The following ANK2 variants were observed in gnomAD, a reference collection of about 807,000 sequenced individuals.
ANK2 encodes ankyrin-2.
ANK2 carries 83 observed loss-of-function variants against 360.5 expected under a neutral mutation model. The observed-to-expected ratio is 0.23, with a 90% CI of 0.19 to 0.28. The LOEUF (loss-of-function observed/expected upper bound fraction) is 0.28, where lower values mean the gene tolerates loss of function less well. Ranked by LOEUF, ANK2 falls within the 10% of genes least tolerant of loss-of-function variation. ANK2 has a pLI of 1.00. For missense variants in ANK2, 4,201 were observed against 4,795.7 expected (o/e 0.88, Z 3.66); for synonymous variants, 1,740 against 1,759.5 (o/e 0.99, Z 0.28).
At chr4:113,045,519 A>G (rs925249636), upstream of ANK2, among the ~76,000 whole-genome samples, 2 of 152,182 alleles carry the variant, frequency 1.3e-5, no homozygotes, top group African/African-American at 4.8e-5. Flanking sequence ...TTTCAGTTTT[A>G]TCACCTGTAC....
chr4:113,261,806 G>A (rs946122509), intron 13 of ANK2, among the ~76,000 whole-genome samples: 6 of 152,070 alleles, frequency 3.9e-5, no homozygotes, highest in Non-Finnish European at 7.4e-5. Context: ...AAAAACTTAA[G>A]TATAAAATAA....
intron 2 of ANK2, chr4:112,980,524 G>A (rs1159752077): frequency 6.6e-6 from 1 of 152,252 alleles, no homozygotes; most frequent in African/African-American, 2.4e-5. Context: ...ATCAACAATA[G>A]ATTGCTGTGA....
intron 1 of ANK2, among the ~76,000 whole-genome samples, chr4:113,068,124 G>A (rs2076264443): frequency 6.6e-6 from 1 of 152,118 alleles, no homozygotes; most frequent in Admixed American, 6.5e-5. Context: ...CCCCCTGAGT[G>A]TTGGAAAGAT....
chr4:112,955,478 G>A (rs527847089), intron 2 of ANK2, among the ~76,000 whole-genome samples: 7 of 151,984 alleles, frequency 4.6e-5, no homozygotes, highest in Middle Eastern at 3.4e-3. Context: ...TAACACCTTA[G>A]CCTTTTAATT....
chr4:113,162,515 C>T (rs77384457), intron 1 of ANK2, among the ~76,000 whole-genome samples: 5,508 of 152,238 alleles, frequency 0.036, 167 homozygotes, highest in Non-Finnish European at 0.054. Flanking sequence ...TATGACATTG[C>T]ACTTGCTATT....
rs374991526 is a variant in ANK2, at chr4:113,363,386, G to A, written c.10805G>A (p.Arg3602Gln). 5.6e-5 allele frequency: 90 copies of A among 1,613,306 alleles called. No homozygotes were observed. The highest frequency in any genetic ancestry group is 3.7e-4 in the African/African-American group (28 of 74,894). Reference protein sequence around the residue: ...DFTEEQIHQIRIENPNSLQDQ... With the variant: ...DFTEEQIHQIQIENPNSLQDQ... ...ACTGAGGAGCAAATTCATCAAATTC[G>A]AATTGAAAATCCCAACTCTCTTCAA... is the stretch of plus-strand genomic sequence containing the variant. Residue 3602 changes from arginine (R) to glutamine (Q), a missense_variant, in exon 40 of 46, where the codon CGA (arginine) becomes CAA (glutamine). Transcript: ENST00000357077.
intron 1 of ANK2, among the ~76,000 whole-genome samples, chr4:113,091,458 T>C (rs1310110883): frequency 6.6e-6 from 1 of 152,234 alleles, no homozygotes; most frequent in Non-Finnish European, 1.5e-5. Context: ...AATTCTGCAG[T>C]GAATTTTTTC....
At chr4:113,218,562 A>C (rs1562960538) in intron 4 of ANK2, among the ~76,000 whole-genome samples, 1 of 152,146 alleles carries the variant, frequency 6.6e-6, no homozygotes, top group Non-Finnish European at 1.5e-5. Flanking sequence ...CTATACTGCT[A>C]CCATCTATAT....
At chr4:113,057,734 G>T (rs1288398734) in intron 1 of ANK2, among the ~76,000 whole-genome samples, 1 of 152,074 alleles carries the variant, frequency 6.6e-6, no homozygotes, top group African/African-American at 2.4e-5. Context: ...TTCGAATCTA[G>T]TAGGGACAAT....
At chr4:113,038,859 A>G (rs2062211002) in intron 2 of ANK2, among the ~76,000 whole-genome samples, 1 of 152,092 alleles carries the variant, frequency 6.6e-6, no homozygotes, top group African/African-American at 2.4e-5. Flanking sequence ...CCAAGAAATC[A>G]GGTATGTGAG....
At chr4:113,214,940 A>C (rs1250930455) in intron 4 of ANK2, among the ~76,000 whole-genome samples, 2 of 152,162 alleles carry the variant, frequency 1.3e-5, no homozygotes, top group African/African-American at 4.8e-5. Flanking sequence ...AATGTCATCA[A>C]AAGACATTTA....
chr4:112,758,514 G>C, the ANK2 span, among the ~76,000 whole-genome samples: 3 of 152,040 alleles, frequency 2.0e-5, no homozygotes, highest in African/African-American at 7.2e-5. Context: ...AGGTTCAAGC[G>C]ATTCTCCTGC....
intron 45 of ANK2, among the ~76,000 whole-genome samples, chr4:113,376,603 T>C (rs866661387): frequency 6.6e-6 from 1 of 152,162 alleles, no homozygotes; most frequent in African/African-American, 2.4e-5. Flanking sequence ...AATAATAAAT[T>C]AACTTTAGCT....
chr4:113,146,572 AT>A (rs1230588308), intron 1 of ANK2, among the ~76,000 whole-genome samples: 1 of 152,072 alleles, frequency 6.6e-6, no homozygotes, highest in East Asian at 1.9e-4. Flanking sequence ...AATAAGATTT[AT>A]TTTTTTAAAT....
chr4:112,875,633 G>A (rs2150340424), intron 1 of ANK2, among the ~76,000 whole-genome samples: 1 of 152,168 alleles, frequency 6.6e-6, no homozygotes, highest in East Asian at 1.9e-4. Flanking sequence ...ACCACGCACA[G>A]CCCCTTATTA....
intron 1 of ANK2, among the ~76,000 whole-genome samples, chr4:113,101,998 C>T (rs1204106608): frequency 3.3e-5 from 5 of 152,022 alleles, no homozygotes. Flanking sequence ...CAAAGAGGGT[C>T]CAGCTCATGA....
In ANK2 at chr4:113,367,643, G is replaced by A. The variant is rs886965541; in HGVS notation, c.11110G>A (p.Glu3704Lys). The change falls in exon 42 of 46, where the codon GAG (glutamate) becomes AAG (lysine). Residue 3704 changes from glutamate (E) to lysine (K), a missense_variant. Coordinates refer to ENST00000357077, the MANE Select transcript of ANK2 (RefSeq NM_001148.6). ...GGAGCAAGCTGTTTCTAAAGAAAGTGAGACCTGCGATCACCCTCCTATCGT... is the reference window on the plus strand; with the variant it reads ...GGAGCAAGCTGTTTCTAAAGAAAGTAAGACCTGCGATCACCCTCCTATCGT... ...KEEQAVSKES[E>K]TCDHPPIVSE... is the part of the protein sequence containing the mutation. The A allele has an allele frequency of 5.6e-6, 9 of 1,613,718 alleles. No homozygotes were observed. The highest frequency in any genetic ancestry group is 1.7e-5 in the Admixed American group (1 of 59,958).
intron 2 of ANK2, among the ~76,000 whole-genome samples, chr4:112,989,975 A>G (rs550645019): frequency 1.3e-5 from 2 of 152,344 alleles, no homozygotes; most frequent in East Asian, 3.9e-4. Context: ...TTTTTAAAAA[A>G]TAATTCAGGT....
At chr4:112,972,961 C>A (rs147516535) in intron 2 of ANK2, among the ~76,000 whole-genome samples, 1 of 151,974 alleles carries the variant, frequency 6.6e-6, no homozygotes, top group Admixed American at 6.6e-5. Context: ...TGAGTGGGAG[C>A]TAAGCTATGA....
Sources: gnomAD v4.1 joint callset for allele counts (sites outside exome capture counted in the v4.1 genomes callset) on GRCh38, gnomAD v4.1.1 for gene constraint, MANE v1.5 for transcripts, NCBI Gene and HGNC (gene_info 2026-07-23, HGNC 2026-07-21) for gene names.